The following ADCK1 variants were observed in gnomAD, a reference collection of about 807,000 sequenced individuals.
ADCK1 encodes the protein aarF domain-containing protein kinase 1.
A neutral mutation model predicts 52.3 loss-of-function variants in ADCK1; 41 were observed. The observed-to-expected ratio is 0.78, with a 90% CI of 0.61 to 1.02. The LOEUF (loss-of-function observed/expected upper bound fraction) is 1.02. Among genes scored for constraint, ADCK1 ranks in the 50% least tolerant of loss-of-function variants. The probability of loss-of-function intolerance (pLI) is 0.00; values close to 1 mark genes in which losing one functional copy is unlikely to be tolerated. For missense variants in ADCK1, 658 were observed against 679.5 expected, an observed-to-expected ratio of 0.97 and a Z score of 0.35; for synonymous variants, 250 against 274.6, an observed-to-expected ratio of 0.91 and a Z score of 0.89.
At chr14:77,863,573 A>G (rs564753886) in intron 4 of ADCK1, among the ~76,000 whole-genome samples, 2 of 152,312 alleles carry the variant, frequency 1.3e-5, no homozygotes, top group East Asian at 3.9e-4. Context: ...GTGGTGGCTC[A>G]TGCCTGTAAT....
intron 5 of ADCK1, among the ~76,000 whole-genome samples, chr14:77,894,432 T>C (rs1254061660): frequency 1.3e-5 from 2 of 152,180 alleles, no homozygotes; most frequent in Non-Finnish European, 2.9e-5. Context: ...ATTTTACAGT[T>C]TACAAAGCTC....
At chr14:77,881,415 C>T (rs193036415) in intron 4 of ADCK1, among the ~76,000 whole-genome samples, 2 of 152,230 alleles carry the variant, frequency 1.3e-5, no homozygotes, top group African/African-American at 2.4e-5. Flanking sequence ...CCCATGCTAT[C>T]GCTTCTTCCA....
intron 3 of ADCK1, among the ~76,000 whole-genome samples, chr14:77,827,067 A>G (rs2081725506): frequency 6.6e-6 from 1 of 152,028 alleles, no homozygotes; most frequent in Non-Finnish European, 1.5e-5. Context: ...AGAAATGCAT[A>G]ATTTGGCTGG....
intron 9 of ADCK1, among the ~76,000 whole-genome samples, chr14:77,929,709 T>C (rs1349287616): frequency 3.3e-5 from 5 of 152,050 alleles, no homozygotes; most frequent in Middle Eastern, 3.2e-3. Context: ...CTCTGTTGTC[T>C]AGGCTGGAGT....
intron 10 of ADCK1, among the ~76,000 whole-genome samples, chr14:77,932,304 C>A (rs1454917915): frequency 2.0e-5 from 3 of 152,200 alleles, no homozygotes; most frequent in African/African-American, 7.2e-5. Context: ...CTTCCTTGGC[C>A]TCCCAAAGTC....
rs1227174057 is a variant in ADCK1 at position 77,894,749 on chromosome 14, T to TG, written c.583-4351_583-4350insG. Among the ~76,000 whole-genome samples the TG allele has an allele frequency of 2.6e-5, 3 of 115,708 alleles. No homozygotes were observed. In the East Asian group the frequency reaches 7.1e-4, roughly 27 times the overall value. The allele number at this position is 115,708 out of a possible 152,430, so 75.9% of individuals were successfully genotyped here. On this transcript the variant is annotated intron_variant, in intron 5 of 10. Transcript: ENST00000238561. ...TTTTCTTTTCTTGTTTTTTTTTTTT[T>TG]TTTTTTTTTTTTTTTAGATGGAGTC...
chr14:77,886,959 ACT>A (rs1185012375), intron 4 of ADCK1, 130 bp from the exon 5 acceptor site: 563 of 918,958 alleles, frequency 6.1e-4, no homozygotes, highest in African/African-American at 1.2e-3. Flanking sequence ...ACACACACAC[ACT>A]CTCTCTCTCT....
intron 2 of ADCK1, among the ~76,000 whole-genome samples, chr14:77,821,932 A>G (rs1252073646): frequency 1.3e-5 from 2 of 151,606 alleles, no homozygotes; most frequent in Admixed American, 6.6e-5. Flanking sequence ...TAGAGCAAAC[A>G]TACATATAAA....
At chr14:77,813,808 C>T (rs1396826841) in intron 1 of ADCK1, among the ~76,000 whole-genome samples, 2 of 150,852 alleles carry the variant, frequency 1.3e-5, no homozygotes, top group Non-Finnish European at 2.9e-5. Flanking sequence ...CATGCTGTCA[C>T]CCACGCTGTA....
intron 9 of ADCK1, among the ~76,000 whole-genome samples, chr14:77,928,868 C>A (rs935704223): frequency 4.6e-5 from 7 of 152,326 alleles, no homozygotes; most frequent in African/African-American, 1.7e-4. Context: ...CCAAAAGTCA[C>A]CCCTTAATAC....
At chr14:77,848,612 C>T (rs763062655) in intron 3 of ADCK1, among the ~76,000 whole-genome samples, 1 of 152,058 alleles carries the variant, frequency 6.6e-6, no homozygotes, top group Non-Finnish European at 1.5e-5. Context: ...ATTATTGGCA[C>T]GTGCCACCAT....
intron 3 of ADCK1, among the ~76,000 whole-genome samples, chr14:77,825,360 A>G (rs1383540918): frequency 4.2e-5 from 6 of 142,342 alleles, no homozygotes; most frequent in African/African-American, 7.6e-5. Flanking sequence ...TTTGTGACTT[A>G]GCTAAGCCGG....
At chr14:77,841,848 TAAAA>T (rs59818962) in intron 3 of ADCK1, among the ~76,000 whole-genome samples, 2 of 109,656 alleles carry the variant, frequency 1.8e-5, no homozygotes. Context: ...TGACACTCTT[TAAAA>T]AAAAAAAAAA....
At chr14:77,882,840 T>TTGGG in intron 4 of ADCK1, among the ~76,000 whole-genome samples, 1 of 152,260 alleles carries the variant, frequency 6.6e-6, no homozygotes. Flanking sequence ...GCCCTTTGAC[T>TTGGG]TGGGTATGAT....
chr14:77,846,754 G>C (rs1451088665), intron 3 of ADCK1, among the ~76,000 whole-genome samples: 2 of 152,156 alleles, frequency 1.3e-5, no homozygotes, highest in Non-Finnish European at 2.9e-5. Context: ...TGTTGCTCTG[G>C]GTCTCTCACT....
intron 6 of ADCK1, chr14:77,900,700 G>A (rs961303746): frequency 1.0e-4 from 43 of 424,866 alleles, no homozygotes; most frequent in Admixed American, 2.6e-4. Flanking sequence ...GTATTCCAAT[G>A]TGGCACGGCT....
chr14:77,871,036 C>T (rs1044426388), intron 4 of ADCK1, among the ~76,000 whole-genome samples: 12 of 152,182 alleles, frequency 7.9e-5, no homozygotes, highest in Admixed American at 6.5e-4. Flanking sequence ...CAGGCCTGCC[C>T]AGATGTACAA....
At chr14:77,869,569 A>G (rs1261466404) in intron 4 of ADCK1, among the ~76,000 whole-genome samples, 1 of 152,218 alleles carries the variant, frequency 6.6e-6, no homozygotes, top group Non-Finnish European at 1.5e-5. Flanking sequence ...GGCTGGGGTT[A>G]GGACTTCCAC....
intron 1 of ADCK1, among the ~76,000 whole-genome samples, chr14:77,803,350 T>TTCCA (rs2081152818): frequency 6.6e-6 from 1 of 152,164 alleles, no homozygotes; most frequent in Admixed American, 6.5e-5. Context: ...GGAAAGGTGA[T>TTCCA]TCCAGGCCTT....
Sources: gnomAD v4.1 joint callset for allele counts (sites outside exome capture counted in the v4.1 genomes callset) on GRCh38, gnomAD v4.1.1 for gene constraint, MANE v1.5 for transcripts, NCBI Gene and HGNC (gene_info 2026-07-23, HGNC 2026-07-21) for gene names.